Variants in SGCZ observed in about 807,000 individuals in gnomAD.
The protein encoded by SGCZ is zeta-sarcoglycan.
SGCZ carries 40 observed loss-of-function variants against 41.3 expected under a neutral mutation model. The ratio of observed to expected loss-of-function variants is 0.97; its 90% CI spans 0.75 to 1.26. The LOEUF is 1.26. Ranked by LOEUF, SGCZ falls within the 50% of genes most tolerant of loss-of-function variation. The pLI is 0.00. For missense variants in SGCZ, 552 were observed against 369.8 expected (o/e 1.49, Z -4.04); for synonymous variants, 206 against 137.5 (o/e 1.50, Z -3.49).
At chr8:14,890,904 C>A (rs1275408930) in intron 1 of SGCZ, among the ~76,000 whole-genome samples, 1 of 152,172 alleles carries the variant, frequency 6.6e-6, no homozygotes, top group Non-Finnish European at 1.5e-5. Context: ...ATCCACTCTG[C>A]CTGTGCTCTA....
At chr8:15,053,883 G>T (rs1008451662) in intron 1 of SGCZ, among the ~76,000 whole-genome samples, 2 of 152,128 alleles carry the variant, frequency 1.3e-5, no homozygotes, top group African/African-American at 4.8e-5. Flanking sequence ...TTCTGTGAGT[G>T]TCAGAATTCT....
chr8:14,695,259 G>C (rs1015319379), intron 1 of SGCZ, among the ~76,000 whole-genome samples: 1 of 152,016 alleles, frequency 6.6e-6, no homozygotes, highest in African/African-American at 2.4e-5. Flanking sequence ...CTTATGAAAA[G>C]CTCTTTTTTC....
intron 1 of SGCZ, among the ~76,000 whole-genome samples, chr8:14,832,053 A>G (rs1802551971): frequency 6.6e-6 from 1 of 152,198 alleles, no homozygotes; most frequent in African/African-American, 2.4e-5. Context: ...TAACAAACAG[A>G]AAGCAGTTTC....
chr8:14,962,819 T>C (rs949735057), intron 1 of SGCZ, among the ~76,000 whole-genome samples: 3 of 152,196 alleles, frequency 2.0e-5, no homozygotes, highest in Non-Finnish European at 4.4e-5. Context: ...TGATAAGATA[T>C]GCAGAACAAG....
chr8:15,207,694 A>G lies in SGCZ; in HGVS notation c.39+29891T>C, dbSNP rs143054752. ...AGTAGAAGCAGATGCTTTCCCCATTACTCAAATAGAAAATTTGGAAGTGAA... is the reference window on the plus strand; with the variant it reads ...AGTAGAAGCAGATGCTTTCCCCATTGCTCAAATAGAAAATTTGGAAGTGAA... On this transcript the variant is annotated intron_variant, in intron 1 of 7. Transcript: ENST00000382080. 2.5e-4 allele frequency among the ~76,000 whole-genome samples: 38 copies of G among 152,312 alleles called. No homozygotes were observed. The East Asian group carries it at 6.0e-3, about 24-fold the overall frequency.
At chr8:15,227,546 A>C (rs2117199248) in intron 1 of SGCZ, among the ~76,000 whole-genome samples, 1 of 152,242 alleles carries the variant, frequency 6.6e-6, no homozygotes, top group Non-Finnish European at 1.5e-5. Context: ...GTAGAAACAT[A>C]ATGTTTATTC....
At chr8:14,111,187 T>C (rs1404790465) in intron 5 of SGCZ, among the ~76,000 whole-genome samples, 2 of 152,194 alleles carry the variant, frequency 1.3e-5, no homozygotes, top group East Asian at 1.9e-4. Flanking sequence ...CTGAGCTCAT[T>C]TGAATTTCAG....
intron 2 of SGCZ, among the ~76,000 whole-genome samples, chr8:14,507,766 T>C (rs1225077083): frequency 3.0e-5 from 2 of 66,614 alleles, no homozygotes; most frequent in African/African-American, 1.6e-4. Context: ...GTTTGTTTTT[T>C]TGTTTTTGTT....
intron 1 of SGCZ, among the ~76,000 whole-genome samples, chr8:15,146,692 C>T (rs1799045514): frequency 6.6e-6 from 1 of 152,158 alleles, no homozygotes; most frequent in South Asian, 2.1e-4. Context: ...GGAATGGTAA[C>T]ATCACTCATT....
intron 1 of SGCZ, among the ~76,000 whole-genome samples, chr8:14,789,352 A>C (rs1183914157): frequency 1.3e-5 from 2 of 152,344 alleles, no homozygotes; most frequent in South Asian, 2.1e-4. Context: ...ACAACATTTT[A>C]ATATTAATAC....
At chr8:14,261,090 A>C (rs562753560) in intron 3 of SGCZ, among the ~76,000 whole-genome samples, 1 of 126,434 alleles carries the variant, frequency 7.9e-6, no homozygotes, top group African/African-American at 2.5e-5. Context: ...TAAAACTTCA[A>C]GTATAATAAA....
intron 2 of SGCZ, among the ~76,000 whole-genome samples, chr8:14,345,134 C>T (rs981607763): frequency 6.6e-6 from 1 of 151,990 alleles, no homozygotes; most frequent in African/African-American, 2.4e-5. Context: ...GAAATGGAAA[C>T]TTCATAGAAA....
chr8:14,698,192 T>G (rs2117589687), intron 1 of SGCZ, among the ~76,000 whole-genome samples: 1 of 152,134 alleles, frequency 6.6e-6, no homozygotes, highest in African/African-American at 2.4e-5. Flanking sequence ...TACTGTTTGG[T>G]TATTTTTAGC....
At chr8:14,630,665 G>A (rs1050033027) in intron 1 of SGCZ, among the ~76,000 whole-genome samples, 8 of 150,842 alleles carry the variant, frequency 5.3e-5, no homozygotes, top group South Asian at 4.2e-4. Context: ...AATGTGACAC[G>A]TATATGCCAT....
At chr8:14,555,702 A>T (rs1804014570) in intron 1 of SGCZ, among the ~76,000 whole-genome samples, 1 of 152,044 alleles carries the variant, frequency 6.6e-6, no homozygotes. Context: ...AGAGAGACTG[A>T]GTCTACCACA....
At chr8:14,195,992 AC>A (rs1486675668) in intron 4 of SGCZ, among the ~76,000 whole-genome samples, 1 of 152,140 alleles carries the variant, frequency 6.6e-6, no homozygotes, top group Non-Finnish European at 1.5e-5. Flanking sequence ...CTGAGTAAAC[AC>A]AATTTTCTTA....
At chr8:14,683,189 C>T (rs368059863) in intron 1 of SGCZ, among the ~76,000 whole-genome samples, 24 of 152,140 alleles carry the variant, frequency 1.6e-4, no homozygotes, top group African/African-American at 5.8e-4. Flanking sequence ...TGCCTAAATA[C>T]TAATAGGGAA....
At chr8:14,715,177 T>A (rs184243691) in intron 1 of SGCZ, among the ~76,000 whole-genome samples, 2 of 152,168 alleles carry the variant, frequency 1.3e-5, no homozygotes, top group Non-Finnish European at 2.9e-5. Context: ...AAAGGTTAGT[T>A]TGAGCTTTTG....
In SGCZ at chr8:14,084,854, A is replaced by G. The variant is rs1801481102; in HGVS notation, c.*5589T>C. ...ATGAAATGATATCATGTAAGTTTTTATCCTCTTTGTTTTGACTATCACATT... is the reference window on the plus strand; with the variant it reads ...ATGAAATGATATCATGTAAGTTTTTGTCCTCTTTGTTTTGACTATCACATT... On this transcript the variant is annotated 3_prime_UTR_variant, in exon 8 of 8. Coordinates refer to ENST00000382080, the MANE Select transcript of SGCZ (RefSeq NM_139167.4). Among the ~76,000 whole-genome samples, 1 of 151,880 alleles carries G rather than the reference A, an allele frequency of 6.6e-6. No homozygotes were observed. Among genetic ancestry groups the G allele is most frequent in the African/African-American group, 2.4e-5 (1 of 41,426 alleles).
Sources: gnomAD v4.1 joint callset for allele counts (sites outside exome capture counted in the v4.1 genomes callset) on GRCh38, gnomAD v4.1.1 for gene constraint, MANE v1.5 for transcripts, NCBI Gene and HGNC (gene_info 2026-07-23, HGNC 2026-07-21) for gene names.